The following SPON1 variants were observed in gnomAD, a reference collection of about 807,000 sequenced individuals.
The protein encoded by SPON1 is spondin-1.
A neutral mutation model predicts 111.7 loss-of-function variants in SPON1; 52 were observed. The ratio of observed to expected loss-of-function variants is 0.47; its 90% CI spans 0.37 to 0.59. The LOEUF is 0.59. Ranked by LOEUF, SPON1 falls within the 20% of genes least tolerant of loss-of-function variation. The pLI, the probability that SPON1 is intolerant of heterozygous loss-of-function variation, is 0.00. For synonymous variants in SPON1, 410 were observed against 395.8 expected (o/e 1.04, Z -0.43); for missense variants, 957 against 1,068.5 (o/e 0.90, Z 1.46).
intron 6 of SPON1, among the ~76,000 whole-genome samples, chr11:14,205,169 T>C (rs1033428134): frequency 1.2e-4 from 19 of 152,224 alleles, no homozygotes; most frequent in African/African-American, 3.6e-4. Context: ...TAAGATTCAG[T>C]TCAAATTTTG....
At chr11:14,246,810 G>A (rs558464528) in intron 7 of SPON1, among the ~76,000 whole-genome samples, 4 of 152,282 alleles carry the variant, frequency 2.6e-5, no homozygotes, top group African/African-American at 9.6e-5. Context: ...ACATGTCTAT[G>A]AAGGAAAGGC....
intron 2 of SPON1, among the ~76,000 whole-genome samples, chr11:13,996,295 C>T (rs965848686): frequency 6.6e-6 from 1 of 152,122 alleles, no homozygotes; most frequent in Non-Finnish European, 1.5e-5. Context: ...ATTTTAAAAG[C>T]GATGTCAACA....
chr11:14,243,462 A>C, intron 7 of SPON1, 66 bp downstream of exon 7: 4 of 1,298,866 alleles, frequency 3.1e-6, no homozygotes, highest in Non-Finnish European at 4.4e-6. Context: ...CACCTACCTA[A>C]TGGCCACCAC....
At chr11:14,058,605 G>A (rs577297525) in intron 3 of SPON1, among the ~76,000 whole-genome samples, 46 of 152,260 alleles carry the variant, frequency 3.0e-4, no homozygotes, top group African/African-American at 1.1e-3. Flanking sequence ...TGTGATTGGG[G>A]CGAAGGTGAG....
intron 3 of SPON1, among the ~76,000 whole-genome samples, chr11:14,073,385 A>G (rs895793720): frequency 1.3e-5 from 2 of 152,126 alleles, no homozygotes; most frequent in African/African-American, 4.8e-5. Context: ...TCAGCACCCA[A>G]AAAGTTTTGG....
chr11:14,128,024 T>C (rs908674952), intron 5 of SPON1, among the ~76,000 whole-genome samples: 2 of 152,186 alleles, frequency 1.3e-5, no homozygotes, highest in Non-Finnish European at 2.9e-5. Context: ...ACCAGGTCCC[T>C]CCCTCGACAT....
intron 7 of SPON1, among the ~76,000 whole-genome samples, chr11:14,252,428 CAG>C (rs1480206380): frequency 2.1e-5 from 3 of 144,008 alleles, no homozygotes; most frequent in South Asian, 2.3e-4. Flanking sequence ...AAGACCTGCG[CAG>C]AGTGTGGGAA....
intron 6 of SPON1, among the ~76,000 whole-genome samples, chr11:14,197,660 A>C (rs2133895072): frequency 6.6e-6 from 1 of 151,304 alleles, no homozygotes; most frequent in East Asian, 2.0e-4. Flanking sequence ...AAAAAAAAAA[A>C]AAAAAATTAG....
At chr11:14,204,360 C>T (rs953329490) in intron 6 of SPON1, among the ~76,000 whole-genome samples, 1 of 152,192 alleles carries the variant, frequency 6.6e-6, no homozygotes. Context: ...CAGCTGACTG[C>T]AGTCTTGACC....
chr11:14,089,797 A>G (rs1046050350), intron 5 of SPON1, among the ~76,000 whole-genome samples: 3 of 152,098 alleles, frequency 2.0e-5, no homozygotes, highest in Non-Finnish European at 4.4e-5. Context: ...GGGGAGTTTT[A>G]TCTCTAAGCC....
intron 4 of SPON1, among the ~76,000 whole-genome samples, 182 bp from the exon 5 acceptor site, chr11:14,079,717 A>G (rs1554921859): frequency 6.6e-6 from 1 of 151,358 alleles, no homozygotes; most frequent in African/African-American, 2.4e-5. Context: ...AAATATTACC[A>G]TACTTAGAGG....
intron 6 of SPON1, among the ~76,000 whole-genome samples, chr11:14,182,992 C>A (rs1848250881): frequency 6.6e-6 from 1 of 152,180 alleles, no homozygotes; most frequent in Non-Finnish European, 1.5e-5. Flanking sequence ...TAAATAAAGA[C>A]CTGCAGCAGC....
At chr11:14,214,718 C>T (rs1470765548) in intron 6 of SPON1, among the ~76,000 whole-genome samples, 1 of 152,154 alleles carries the variant, frequency 6.6e-6, no homozygotes, top group Non-Finnish European at 1.5e-5. Flanking sequence ...AGAACTGTCT[C>T]AGGATAAATC....
At chr11:14,174,100 C>T (rs1425543174) in intron 6 of SPON1, among the ~76,000 whole-genome samples, 2 of 152,166 alleles carry the variant, frequency 1.3e-5, no homozygotes, top group Non-Finnish European at 2.9e-5. Context: ...GACAGTTCCC[C>T]AAAATTAAGG....
At chr11:14,204,604 A>G (rs1436638817) in intron 6 of SPON1, among the ~76,000 whole-genome samples, 2 of 151,042 alleles carry the variant, frequency 1.3e-5, no homozygotes, top group Non-Finnish European at 3.0e-5. Flanking sequence ...AAGATTTTCA[A>G]CAAAGAGTCT....
chr11:14,241,004 T>C (rs1185784976), intron 6 of SPON1, among the ~76,000 whole-genome samples: 1 of 152,126 alleles, frequency 6.6e-6, no homozygotes, highest in Admixed American at 6.6e-5. Context: ...AAGGAAATAT[T>C]TTAAAGTCAT....
At chr11:14,028,529 C>A (rs1161256583) in intron 2 of SPON1, among the ~76,000 whole-genome samples, 1 of 152,006 alleles carries the variant, frequency 6.6e-6, no homozygotes, top group Non-Finnish European at 1.5e-5. Context: ...TTATTAAACA[C>A]TAGATATTCT....
At chr11:14,160,689 ATT>A (rs1847918602) in intron 6 of SPON1, among the ~76,000 whole-genome samples, 1 of 12,854 alleles carries the variant, frequency 7.8e-5, no homozygotes, top group African/African-American at 8.2e-4. Context: ...TTATATATAT[ATT>A]TATATATTTA....
intron 3 of SPON1, among the ~76,000 whole-genome samples, chr11:14,062,538 A>G (rs1315520612): frequency 6.6e-6 from 1 of 152,132 alleles, no homozygotes; most frequent in African/African-American, 2.4e-5. Context: ...TCTCTAGGGG[A>G]GCTTGAACAG....
Sources: gnomAD v4.1 joint callset for allele counts (sites outside exome capture counted in the v4.1 genomes callset) on GRCh38, gnomAD v4.1.1 for gene constraint, MANE v1.5 for transcripts, NCBI Gene and HGNC (gene_info 2026-07-23, HGNC 2026-07-21) for gene names.